NCKAP5: variants seen among roughly 807,000 people sequenced by gnomAD.
The protein encoded by NCKAP5 is NCK associated protein 5.
In NCKAP5, 92 loss-of-function variants were observed where a neutral mutation model predicts 167.0. The observed-to-expected ratio is 0.55, with a 90% confidence interval of 0.47 to 0.66. NCKAP5 has a LOEUF of 0.66. Among genes scored for constraint, NCKAP5 ranks in the 30% least tolerant of loss-of-function variants. The probability of loss-of-function intolerance (pLI) is 0.00; values close to 1 mark genes in which losing one functional copy is unlikely to be tolerated. For missense variants in NCKAP5, 2,378 were observed against 2,315.0 expected, an observed-to-expected ratio of 1.03 and a Z score of -0.56; for synonymous variants, 891 against 877.4, an observed-to-expected ratio of 1.02 and a Z score of -0.27.
At chr2:132,799,181 T>C (rs775293242) in intron 11 of NCKAP5, among the ~76,000 whole-genome samples, 2 of 151,998 alleles carry the variant, frequency 1.3e-5, no homozygotes, top group Admixed American at 6.6e-5. Context: ...TTCTCACTTA[T>C]AAGTGGAAGC....
chr2:132,874,579 A>G (rs1461699766), intron 9 of NCKAP5, among the ~76,000 whole-genome samples: 1 of 152,120 alleles, frequency 6.6e-6, no homozygotes, highest in Non-Finnish European at 1.5e-5. Context: ...ATTTTTGTCT[A>G]TTTCTGAACT....
intron 6 of NCKAP5, among the ~76,000 whole-genome samples, chr2:133,114,112 A>T (rs1559152293): frequency 6.6e-6 from 1 of 152,218 alleles, no homozygotes; most frequent in South Asian, 2.1e-4. Context: ...AGGCCTTGTA[A>T]ATATTAGGAG....
intron 9 of NCKAP5, among the ~76,000 whole-genome samples, chr2:132,870,868 T>C (rs1690760262): frequency 6.6e-6 from 1 of 151,864 alleles, no homozygotes; most frequent in African/African-American, 2.4e-5. Flanking sequence ...TCATCAACTT[T>C]TGATTAGAAG....
At position 132,967,714 on chromosome 2, in the gene NCKAP5, T is replaced by A. The variant is rs569653876; in HGVS notation, c.430-3845A>T. On this transcript the variant is annotated intron_variant, in intron 7 of 19. Coordinates refer to ENST00000409261, the MANE Select transcript of NCKAP5 (RefSeq NM_207363.3). ...ATTTGCTGATCTAGCTAATGGAGTA[T>A]GGAAAACAAGACAAAGTTCCTATAT... Among the ~76,000 whole-genome samples, 5 of 152,330 alleles carry A rather than the reference T, an allele frequency of 3.3e-5. No homozygotes were observed. In the South Asian group the frequency reaches 8.3e-4, roughly 25 times the overall value.
At chr2:133,146,828 G>A (rs1043169891) in intron 5 of NCKAP5, among the ~76,000 whole-genome samples, 7 of 152,016 alleles carry the variant, frequency 4.6e-5, no homozygotes, top group African/African-American at 1.2e-4. Flanking sequence ...AAGCCCTCAC[G>A]TGCATACACC....
At chr2:132,895,968 C>T (rs1351037254) in intron 8 of NCKAP5, among the ~76,000 whole-genome samples, 1 of 152,096 alleles carries the variant, frequency 6.6e-6, no homozygotes, top group Admixed American at 6.6e-5. Context: ...AACTCCGTCT[C>T]TACTAAAAGT....
intron 5 of NCKAP5, among the ~76,000 whole-genome samples, chr2:133,148,418 T>C (rs1198564174): frequency 6.6e-6 from 1 of 152,130 alleles, no homozygotes; most frequent in African/African-American, 2.4e-5. Flanking sequence ...ACTTACACAT[T>C]TCACACTCTT....
chr2:133,467,401 A>C (rs971096549), intron 3 of NCKAP5, among the ~76,000 whole-genome samples: 10 of 152,318 alleles, frequency 6.6e-5, no homozygotes, highest in Admixed American at 5.2e-4. Context: ...GTGCAGCTGG[A>C]TTCATTTTGC....
At chr2:132,867,932 A>G (rs1349182510) in intron 10 of NCKAP5, among the ~76,000 whole-genome samples, 1 of 152,202 alleles carries the variant, frequency 6.6e-6, no homozygotes, top group African/African-American at 2.4e-5. Flanking sequence ...AGTTAAAATT[A>G]TTTGTAGAAG....
chr2:133,335,191 A>T (rs1181010450), intron 3 of NCKAP5, among the ~76,000 whole-genome samples: 2 of 152,104 alleles, frequency 1.3e-5, no homozygotes, highest in Non-Finnish European at 2.9e-5. Context: ...TCTCAGTGGT[A>T]TTGGGATACA....
At chr2:133,655,704 A>G in the NCKAP5 span, among the ~76,000 whole-genome samples, 8 of 152,348 alleles carry the variant, frequency 5.3e-5, 1 homozygote, top group South Asian at 1.2e-3. Context: ...CAGTGGTTCT[A>G]ACAGGGAGAA....
At chr2:133,090,461 T>C (rs1012533616) in intron 6 of NCKAP5, among the ~76,000 whole-genome samples, 2 of 151,932 alleles carry the variant, frequency 1.3e-5, no homozygotes, top group Non-Finnish European at 2.9e-5. Flanking sequence ...AGGCAGAAAC[T>C]GGAGTTACAT....
intron 6 of NCKAP5, among the ~76,000 whole-genome samples, chr2:133,010,437 C>T (rs16855553): frequency 0.017 from 2,651 of 152,282 alleles, 79 homozygotes; most frequent in African/African-American, 0.06. Flanking sequence ...CATCCTACAT[C>T]TCAATATCAA....
chr2:132,704,674 C>T (rs759143444), intron 19 of NCKAP5, among the ~76,000 whole-genome samples: 1 of 152,164 alleles, frequency 6.6e-6, no homozygotes, highest in African/African-American at 2.4e-5. Flanking sequence ...CCTTTCGTGT[C>T]CACATTTCCA....
At chr2:133,597,114 G>T in the NCKAP5 span, among the ~76,000 whole-genome samples, 97 of 152,302 alleles carry the variant, frequency 6.4e-4, no homozygotes, top group Middle Eastern at 3.4e-3. Flanking sequence ...CCCTGTCAAA[G>T]ATCCCAGTCT....
intron 11 of NCKAP5, among the ~76,000 whole-genome samples, chr2:132,839,512 A>G (rs533480924): frequency 6.3e-4 from 96 of 152,172 alleles, no homozygotes; most frequent in African/African-American, 2.1e-3. Context: ...TGTAATCCCA[A>G]CACTTCAGGA....
intron 6 of NCKAP5, among the ~76,000 whole-genome samples, chr2:133,023,379 C>T (rs891354213): frequency 6.6e-6 from 1 of 152,144 alleles, no homozygotes; most frequent in African/African-American, 2.4e-5. Flanking sequence ...AATGTTCTTA[C>T]ATTTCTTCAT....
rs189071363 is a variant in NCKAP5, at chr2:133,096,672, G to A, written c.341+33306C>T. 1.1e-3 allele frequency among the ~76,000 whole-genome samples: 166 copies of A among 152,246 alleles called. 2 individuals are homozygous for A. The highest frequency in any genetic ancestry group is 3.6e-3 in the African/African-American group (151 of 41,526). ...TGTGGAACAGTTAAATTTATATTAA[G>A]TTGAGTTTATCTTCCATGAGTAGGC... On this transcript the variant is annotated intron_variant, in intron 6 of 19. Coordinates refer to ENST00000409261, the MANE Select transcript of NCKAP5 (RefSeq NM_207363.3).
chr2:132,846,843 G>A (rs1245619254), intron 11 of NCKAP5, among the ~76,000 whole-genome samples: 1 of 152,184 alleles, frequency 6.6e-6, no homozygotes, highest in Non-Finnish European at 1.5e-5. Context: ...TCTCTAACAT[G>A]TAAGCAGAAA....
Sources: gnomAD v4.1 joint callset for allele counts (sites outside exome capture counted in the v4.1 genomes callset) on GRCh38, gnomAD v4.1.1 for gene constraint, MANE v1.5 for transcripts, NCBI Gene and HGNC (gene_info 2026-07-23, HGNC 2026-07-21) for gene names.